Variants in TMCO1 observed in about 807,000 individuals in gnomAD.
The protein encoded by TMCO1 is calcium load-activated calcium channel.
A neutral mutation model predicts 29.3 loss-of-function variants in TMCO1; 29 were observed. That is an observed-to-expected ratio of 0.99 (90% CI 0.74 to 1.35). The LOEUF (loss-of-function observed/expected upper bound fraction) is 1.35, where lower values mean the gene tolerates loss of function less well. TMCO1 is among the 40% of genes most tolerant of loss of function. The probability of loss-of-function intolerance (pLI) is 0.00; values close to 1 mark genes in which losing one functional copy is unlikely to be tolerated. For missense variants in TMCO1, 173 were observed against 225.5 expected, an observed-to-expected ratio of 0.77 and a Z score of 1.49; for synonymous variants, 80 against 77.1, an observed-to-expected ratio of 1.04 and a Z score of -0.20.
intron 5 of TMCO1, among the ~76,000 whole-genome samples, chr1:165,748,315 C>T (rs1023622568): frequency 6.6e-6 from 1 of 152,142 alleles, no homozygotes; most frequent in Admixed American, 6.5e-5. Context: ...AGAGAGGAGA[C>T]ACCTGAGGGA....
At chr1:165,748,145 C>G (rs1379395287) in intron 5 of TMCO1, among the ~76,000 whole-genome samples, 1 of 147,340 alleles carries the variant, frequency 6.8e-6, no homozygotes, top group Non-Finnish European at 1.5e-5. Flanking sequence ...GGTGACACAG[C>G]AAGACTCCAT....
chr1:165,725,631 C>A (rs547669398), downstream of TMCO1: 9 of 454,022 alleles, frequency 2.0e-5, no homozygotes, highest in East Asian at 5.6e-4. Context: ...TGTTCAGAGG[C>A]CTGTCTTGAA....
At chr1:165,742,231 A>T (rs1651623130) in intron 6 of TMCO1, among the ~76,000 whole-genome samples, 1 of 151,930 alleles carries the variant, frequency 6.6e-6, no homozygotes, top group Non-Finnish European at 1.5e-5. Flanking sequence ...AAAATAAAGA[A>T]TTGTTCAGCC....
At chr1:165,736,372 G>T (rs1044765488) in intron 6 of TMCO1, among the ~76,000 whole-genome samples, 2 of 152,102 alleles carry the variant, frequency 1.3e-5, no homozygotes, top group African/African-American at 4.8e-5. Flanking sequence ...CATTATCCAG[G>T]ATATGATCCA....
intron 5 of TMCO1, among the ~76,000 whole-genome samples, chr1:165,747,494 CAG>C (rs1178379773): frequency 2.0e-5 from 3 of 152,074 alleles, no homozygotes; most frequent in Non-Finnish European, 4.4e-5. Context: ...AGACAAAACT[CAG>C]AAGGGATTAT....
chr1:165,759,452 T>C, intron 3 of TMCO1, 73 bp downstream of exon 3: 1 of 1,084,320 alleles, frequency 9.2e-7, no homozygotes, highest in South Asian at 1.4e-5. Flanking sequence ...TTAATAATTT[T>C]ATATTTTCAT....
rs1650944809 is a variant in TMCO1, at chr1:165,727,419, A to T, written c.*604T>A. 1 of 453,998 alleles carries T rather than the reference A, an allele frequency of 2.2e-6. No individual in the cohort carries two copies. The highest frequency in any genetic ancestry group is 6.9e-5 in the East Asian group (1 of 14,414). 28.1% of individuals were successfully genotyped at this position (453,998 alleles called of 1,614,324 possible). A position where few individuals can be genotyped will look rare whatever the true frequency, so the allele number is the denominator to read the frequency against. On this transcript the variant is annotated 3_prime_UTR_variant, in exon 7 of 7. Transcript: ENST00000367881. ...ACCAAGACAACTCTGTATTTTGAGT[A>T]TATGAGTCAAGTATGGCAAAAAGTA...
chr1:165,747,640 G>A (rs1438099203), intron 5 of TMCO1, among the ~76,000 whole-genome samples: 4 of 152,148 alleles, frequency 2.6e-5, no homozygotes, highest in Non-Finnish European at 4.4e-5. Flanking sequence ...AAACAGGCTG[G>A]GGCCAAAGCA....
chr1:165,725,179 C>T (rs1422936219), downstream of TMCO1: 4 of 451,084 alleles, frequency 8.9e-6, no homozygotes, highest in South Asian at 6.3e-5. Flanking sequence ...GTATATAGTA[C>T]TTTTACTTAA....
chr1:165,730,618 G>A (rs1320303175), intron 6 of TMCO1, among the ~76,000 whole-genome samples: 29 of 152,166 alleles, frequency 1.9e-4, no homozygotes, highest in Admixed American at 1.8e-3. Context: ...TTTCTGAGAC[G>A]TGGTCTTGCT....
At chr1:165,734,833 TG>T (rs1458909088) in intron 6 of TMCO1, among the ~76,000 whole-genome samples, 1 of 152,148 alleles carries the variant, frequency 6.6e-6, no homozygotes, top group Non-Finnish European at 1.5e-5. Flanking sequence ...TGTTTTGTTT[TG>T]TTTTTTTGCA....
At position 165,727,135 on chromosome 1, in the gene TMCO1, G is replaced by A. The variant is rs1175859839; in HGVS notation, c.*888C>T. 2 of 453,968 alleles carry A rather than the reference G, an allele frequency of 4.4e-6. No homozygotes were observed. The highest frequency in any genetic ancestry group is 8.8e-6 in the Non-Finnish European group (2 of 226,756). The allele number at this position is 453,968 out of a possible 1,614,324, so 28.1% of individuals were successfully genotyped here. A position where few individuals can be genotyped will look rare whatever the true frequency, so the allele number is the denominator to read the frequency against. On this transcript the variant is annotated 3_prime_UTR_variant, in exon 7 of 7. Coordinates refer to ENST00000367881, the MANE Select transcript of TMCO1 (RefSeq NM_019026.6). Reference sequence around the variant, plus strand: ...TGAAGGGGCATGGCAGAAAATGAAGGCTATTGTGACTAAAAGGAAGCTCTG... The same window carrying A: ...TGAAGGGGCATGGCAGAAAATGAAGACTATTGTGACTAAAAGGAAGCTCTG...
chr1:165,760,029 ACC>A (rs1571230168), intron 2 of TMCO1, among the ~76,000 whole-genome samples: 2 of 152,308 alleles, frequency 1.3e-5, no homozygotes, highest in East Asian at 3.9e-4. Flanking sequence ...AATGATCCCT[ACC>A]TTCTAAAGAA....
chr1:165,751,998 G>A (rs779786306), intron 5 of TMCO1, 104 bp downstream of exon 5: 4 of 932,858 alleles, frequency 4.3e-6, no homozygotes, highest in Non-Finnish European at 6.7e-6. Flanking sequence ...CTTTAAGTTT[G>A]AAATTACATC....
chr1:165,752,459 G>T (rs1423056136), intron 4 of TMCO1, among the ~76,000 whole-genome samples: 1 of 151,518 alleles, frequency 6.6e-6, no homozygotes, highest in Non-Finnish European at 1.5e-5. Context: ...GTTTCACCGT[G>T]TTAGCCAGGA....
At chr1:165,751,524 C>G (rs1254717552) in intron 5 of TMCO1, among the ~76,000 whole-genome samples, 1 of 151,830 alleles carries the variant, frequency 6.6e-6, no homozygotes, top group East Asian at 1.9e-4. Context: ...ACCAACATGG[C>G]AAAACCCCGT....
At chr1:165,733,193 G>C (rs1400529308) in intron 6 of TMCO1, among the ~76,000 whole-genome samples, 1 of 152,096 alleles carries the variant, frequency 6.6e-6, no homozygotes, top group African/African-American at 2.4e-5. Context: ...CTGTACAGCA[G>C]GCACTTTTGT....
chr1:165,731,121 G>A (rs897396116), intron 6 of TMCO1, among the ~76,000 whole-genome samples: 3 of 151,898 alleles, frequency 2.0e-5, no homozygotes, highest in Admixed American at 6.6e-5. Context: ...GGATGGTCTC[G>A]ATCTCTTGAC....
chr1:165,747,099 A>G (rs926600617), intron 5 of TMCO1, among the ~76,000 whole-genome samples: 3 of 151,966 alleles, frequency 2.0e-5, no homozygotes, highest in African/African-American at 7.3e-5. Flanking sequence ...CATCTCTACT[A>G]AAAATACAAA....
Sources: allele counts gnomAD v4.1 joint callset (sites outside exome capture counted in the v4.1 genomes callset), GRCh38; gene constraint gnomAD v4.1.1; transcripts MANE v1.5; gene names NCBI Gene and HGNC (gene_info 2026-07-23, HGNC 2026-07-21).